Variants in CHD9 observed in about 807,000 individuals in gnomAD.
The protein encoded by CHD9 is ATP-dependent chromatin remodeler CHD9.
Under a neutral mutation model 316.1 loss-of-function variants are expected in CHD9, and 77 were observed. The ratio of observed to expected loss-of-function variants is 0.24; its 90% CI spans 0.20 to 0.29. CHD9 has a LOEUF of 0.29. Ranked by LOEUF, CHD9 falls within the 10% of genes least tolerant of loss-of-function variation. The pLI is 1.00. For missense variants in CHD9, 2,763 were observed against 3,438.1 expected (o/e 0.80, Z 4.91); for synonymous variants, 1,129 against 1,158.3 (o/e 0.97, Z 0.51).
intron 12 of CHD9, among the ~76,000 whole-genome samples, chr16:53,241,278 C>G (rs941318953): frequency 2.0e-5 from 3 of 152,220 alleles, no homozygotes; most frequent in African/African-American, 7.2e-5. Context: ...TCCTACATCA[C>G]CACTTATTGT....
intron 1 of CHD9, among the ~76,000 whole-genome samples, chr16:53,128,920 C>CA (rs1426114953): frequency 6.6e-6 from 1 of 152,020 alleles, no homozygotes; most frequent in Non-Finnish European, 1.5e-5. Flanking sequence ...ATAGACGCAT[C>CA]AAAAAAGTAG....
chr16:53,158,579 G>A (rs1440844344), intron 2 of CHD9, among the ~76,000 whole-genome samples: 1 of 152,074 alleles, frequency 6.6e-6, no homozygotes, highest in African/African-American at 2.4e-5. Context: ...TTTATAACAT[G>A]TAAACATGCT....
chr16:53,245,217 A>G lies in CHD9; in HGVS notation c.3055-119A>G. 1.5e-6 allele frequency: 1 copy of G among 651,300 alleles called. No individual in the cohort carries two copies. Among genetic ancestry groups the G allele is most frequent in the Non-Finnish European group, 2.4e-6 (1 of 411,800 alleles). 40.3% of individuals were successfully genotyped at this position (651,300 alleles called of 1,614,324 possible). A position where few individuals can be genotyped will look rare whatever the true frequency, so the allele number is the denominator to read the frequency against. On this transcript the variant is annotated intron_variant, in intron 13 of 38. Coordinates refer to ENST00000447540, the MANE Select transcript of CHD9 (RefSeq NM_001308319.2). The surrounding 1 kb of genome is among the most constrained non-coding windows in gnomAD (Gnocchi z 4.1). The stretch of plus-strand genomic sequence containing the variant: ...ATATACACACACACACACATAACAT[A>G]TATATATGTATATATAGTCAGAAAA...
intron 2 of CHD9, chr16:53,169,155 G>A (rs1424184626): frequency 1.3e-5 from 2 of 152,258 alleles, no homozygotes; most frequent in African/African-American, 4.8e-5. Flanking sequence ...AAGCCACAGT[G>A]ATCTGATATC....
At chr16:53,280,006 C>A (rs2053248550) in intron 24 of CHD9, among the ~76,000 whole-genome samples, 1 of 151,980 alleles carries the variant, frequency 6.6e-6, no homozygotes, top group African/African-American at 2.4e-5. Context: ...TGGTCATAAT[C>A]AAAAAATCAA....
At chr16:53,252,524 A>G (rs901701675) in intron 17 of CHD9, among the ~76,000 whole-genome samples, 1 of 152,192 alleles carries the variant, frequency 6.6e-6, no homozygotes, top group Non-Finnish European at 1.5e-5. Flanking sequence ...CCCAAAAGCA[A>G]TTGCAGTAAA....
chr16:53,204,149 T>C (rs1444026622), intron 2 of CHD9, among the ~76,000 whole-genome samples: 1 of 149,054 alleles, frequency 6.7e-6, no homozygotes, highest in Non-Finnish European at 1.5e-5. Context: ...TGTGTGTGTG[T>C]ATAACCTTCA....
chr16:53,067,360 C>T (rs1055699204), intron 1 of CHD9, among the ~76,000 whole-genome samples: 1 of 152,168 alleles, frequency 6.6e-6, no homozygotes, highest in Non-Finnish European at 1.5e-5. Flanking sequence ...TAACTAAAAA[C>T]ATAGTTTATT....
chr16:53,141,665 A>G (rs1389067658), intron 1 of CHD9, among the ~76,000 whole-genome samples: 1 of 152,212 alleles, frequency 6.6e-6, no homozygotes, highest in Non-Finnish European at 1.5e-5. Context: ...CAGGAATTAA[A>G]TTAGTAGATG....
chr16:53,275,225 A>C (rs938577132), intron 24 of CHD9, among the ~76,000 whole-genome samples: 1 of 152,004 alleles, frequency 6.6e-6, no homozygotes, highest in Non-Finnish European at 1.5e-5. Context: ...ACGAGGTTTC[A>C]CCATGTTGGC....
chr16:53,325,160 A>G lies in CHD9; in HGVS notation c.*265A>G, dbSNP rs1163259305. The G allele has an allele frequency of 3.4e-6, 1 of 296,738 alleles. No individual in the cohort carries two copies. Among genetic ancestry groups the G allele is most frequent in the Non-Finnish European group, 6.3e-6 (1 of 159,672 alleles). The allele number at this position is 296,738 out of a possible 1,614,324, so 18.4% of individuals were successfully genotyped here. ...TATAATTTTGTTGGGGGTTAATTTTATGAAAATTATGCTCAATAAGAGTTG... is the reference window on the plus strand; with the variant it reads ...TATAATTTTGTTGGGGGTTAATTTTGTGAAAATTATGCTCAATAAGAGTTG... On this transcript the variant is annotated 3_prime_UTR_variant, in exon 39 of 39. Coordinates refer to ENST00000447540, the MANE Select transcript of CHD9 (RefSeq NM_001308319.2).
At chr16:53,269,738 C>T (rs1427669073) in intron 22 of CHD9, among the ~76,000 whole-genome samples, 2 of 152,062 alleles carry the variant, frequency 1.3e-5, no homozygotes, top group East Asian at 1.9e-4. Context: ...AATAAATTAT[C>T]GGATTAGGAG....
chr16:53,208,520 C>T, intron 2 of CHD9: 1 of 1,061,004 alleles, frequency 9.4e-7, no homozygotes, highest in Non-Finnish European at 1.1e-6. Context: ...GCCTGTAGGC[C>T]TTAAGGTGGC....
At chr16:53,186,511 G>A (rs2044023044) in intron 2 of CHD9, among the ~76,000 whole-genome samples, 1 of 152,154 alleles carries the variant, frequency 6.6e-6, no homozygotes, top group African/African-American at 2.4e-5. Context: ...GTGGACTTTT[G>A]ATTTAATGCT....
intron 24 of CHD9, among the ~76,000 whole-genome samples, chr16:53,283,122 C>T (rs993872339): frequency 6.6e-6 from 1 of 152,120 alleles, no homozygotes; most frequent in African/African-American, 2.4e-5. Flanking sequence ...CATTCTCTTC[C>T]TCTTCCTGCT....
intron 19 of CHD9, among the ~76,000 whole-genome samples, chr16:53,261,095 CAA>C (rs753392412): frequency 3.1e-4 from 38 of 123,162 alleles, no homozygotes; most frequent in Admixed American, 5.3e-4. Flanking sequence ...TTAGAGAAAG[CAA>C]AAAAAAAAAA....
At chr16:53,157,580 T>C in intron 2 of CHD9, 39 bp downstream of exon 2, 1 of 1,553,848 alleles carries the variant, frequency 6.4e-7, no homozygotes. Flanking sequence ...GATTTGGGGG[T>C]AGGGCGGACT....
intron 26 of CHD9, among the ~76,000 whole-genome samples, chr16:53,287,587 T>A (rs1256168960): frequency 2.6e-5 from 4 of 151,908 alleles, no homozygotes; most frequent in Admixed American, 6.6e-5. Context: ...ATTAGCCAGG[T>A]GTGGTGGCAT....
Position 53,209,661 on chromosome 16 carries a change from T to C in CHD9, c.1632T>C (p.Asn544=), listed in dbSNP as rs763690315. 5.6e-6 allele frequency: 9 copies of C among 1,613,844 alleles called. No individual in the cohort carries two copies. In the South Asian group the frequency reaches 9.9e-5, roughly 18 times the overall value. Residue 544 remains asparagine, a synonymous_variant, in exon 3 of 39, where the codon AAT becomes AAC. Transcript: ENST00000447540. The part of the protein sequence containing the change: ...IAKAKERGER[N]IPRVMSPENF... ...AAGCAAAGGAGCGTGGGGAACGCAA[T>C]ATTCCACGAGTAATGAGCCCTGAAA... is the stretch of plus-strand genomic sequence containing the variant.
Sources: gnomAD v4.1 joint callset for allele counts (sites outside exome capture counted in the v4.1 genomes callset) on GRCh38, gnomAD v4.1.1 for gene constraint, Gnocchi (gnomAD v3.1) non-coding constraint, MANE v1.5 for transcripts, NCBI Gene and HGNC (gene_info 2026-07-23, HGNC 2026-07-21) for gene names.